The following SPSB4 variants were observed in gnomAD, a reference collection of about 807,000 sequenced individuals.
SPSB4 encodes the protein splA/ryanodine receptor domain and SOCS box containing 4, also known as SPRY domain-containing SOCS box protein 4.
In SPSB4, 21 loss-of-function variants were observed where a neutral mutation model predicts 20.9. The observed-to-expected ratio is 1.01, with a 90% CI of 0.71 to 1.45. The LOEUF (loss-of-function observed/expected upper bound fraction) is 1.45. SPSB4 is among the 40% of genes most tolerant of loss of function. The pLI is 0.00. For missense variants in SPSB4, 399 were observed against 399.2 expected (o/e 1.00, Z 0.00); for synonymous variants, 207 against 183.8 (o/e 1.13, Z -1.02).
At chr3:141,118,667 A>G (rs748082582) in intron 2 of SPSB4, among the ~76,000 whole-genome samples, 12 of 152,148 alleles carry the variant, frequency 7.9e-5, no homozygotes, top group African/African-American at 1.2e-4. Flanking sequence ...TAATTTTTGT[A>G]TAAAGTGTAA....
At chr3:141,062,699 A>T (rs778403010) in intron 1 of SPSB4, among the ~76,000 whole-genome samples, 2 of 152,132 alleles carry the variant, frequency 1.3e-5, no homozygotes, top group Non-Finnish European at 2.9e-5. Flanking sequence ...GGATTTTGTG[A>T]TCTATAATTT....
chr3:141,086,573 A>G (rs997446621), intron 2 of SPSB4, among the ~76,000 whole-genome samples: 3 of 152,224 alleles, frequency 2.0e-5, no homozygotes, highest in African/African-American at 7.2e-5. Flanking sequence ...GCCATGGTAC[A>G]GTATTTGGAT....
chr3:141,104,576 C>T (rs531857614), intron 2 of SPSB4, among the ~76,000 whole-genome samples: 35 of 152,220 alleles, frequency 2.3e-4, no homozygotes, highest in African/African-American at 7.9e-4. Flanking sequence ...GATGGCCAGG[C>T]GGGAATGAAA....
intron 2 of SPSB4, among the ~76,000 whole-genome samples, chr3:141,117,403 A>G (rs1405130020): frequency 6.6e-6 from 1 of 152,092 alleles, no homozygotes; most frequent in Non-Finnish European, 1.5e-5. Context: ...TGACTCCATT[A>G]TTACTCCTTA....
chr3:141,136,595 G>A (rs911469245), intron 2 of SPSB4, among the ~76,000 whole-genome samples: 2 of 152,184 alleles, frequency 1.3e-5, no homozygotes, highest in African/African-American at 4.8e-5. Context: ...ATTAAATAGG[G>A]AATGCTTTCC....
At chr3:141,143,639 C>G (rs1035211518) in intron 2 of SPSB4, among the ~76,000 whole-genome samples, 2 of 152,220 alleles carry the variant, frequency 1.3e-5, no homozygotes, top group African/African-American at 4.8e-5. Flanking sequence ...TTGGGACCCA[C>G]TTGCTAGCCA....
intron 2 of SPSB4, among the ~76,000 whole-genome samples, chr3:141,071,023 A>C (rs1401012865): frequency 6.6e-6 from 1 of 152,068 alleles, no homozygotes; most frequent in Admixed American, 6.5e-5. Context: ...GGCTGGCTTT[A>C]CCTCCAGCCC....
chr3:141,121,673 C>G (rs1938968958), intron 2 of SPSB4, among the ~76,000 whole-genome samples: 1 of 152,192 alleles, frequency 6.6e-6, no homozygotes, highest in South Asian at 2.1e-4. Flanking sequence ...GATCTTCAAT[C>G]ACTGATGTCC....
At chr3:141,072,585 AG>A (rs1938027335) in intron 2 of SPSB4, among the ~76,000 whole-genome samples, 3 of 152,134 alleles carry the variant, frequency 2.0e-5, no homozygotes, top group Admixed American at 6.5e-5. Flanking sequence ...CATGAGTAAA[AG>A]CTTCCTGAGG....
chr3:141,115,110 C>T (rs1394890061), intron 2 of SPSB4: 1 of 152,276 alleles, frequency 6.6e-6, no homozygotes, highest in African/African-American at 2.4e-5. Context: ...AATCTGGACA[C>T]TCAGACACTA....
chr3:141,132,996 G>A (rs1939161797), intron 2 of SPSB4, among the ~76,000 whole-genome samples: 1 of 151,906 alleles, frequency 6.6e-6, no homozygotes, highest in African/African-American at 2.4e-5. Flanking sequence ...CTTAAATTAT[G>A]GCCATTCTTG....
intron 2 of SPSB4, among the ~76,000 whole-genome samples, chr3:141,136,886 G>A (rs1462874136): frequency 6.6e-6 from 1 of 152,142 alleles, no homozygotes; most frequent in Non-Finnish European, 1.5e-5. Flanking sequence ...GAAAGTCATT[G>A]GTAGCTTGAT....
intron 2 of SPSB4, among the ~76,000 whole-genome samples, chr3:141,077,793 CTGT>C (rs1938145708): frequency 6.6e-6 from 1 of 152,164 alleles, no homozygotes; most frequent in Admixed American, 6.5e-5. Flanking sequence ...TGGGAGTGGG[CTGT>C]TTAGTGAGGG....
At position 141,066,092 on chromosome 3, in the gene SPSB4, C is replaced by G. The variant is rs991985616; in HGVS notation, c.-13C>G. The G allele has an allele frequency of 6.6e-7, 1 of 1,509,612 alleles. No homozygotes were observed. Among genetic ancestry groups the G allele is most frequent in the Admixed American group, 2.2e-5 (1 of 44,796 alleles). 93.5% of individuals were successfully genotyped at this position (1,509,612 alleles called of 1,614,324 possible). A position where few individuals can be genotyped will look rare whatever the true frequency, so the allele number is the denominator to read the frequency against. On this transcript the variant is annotated 5_prime_UTR_variant, in exon 2 of 3. Coordinates refer to ENST00000310546, the MANE Select transcript of SPSB4 (RefSeq NM_080862.3). ...AGCGGTGGCCTGCAGCGGCCTCCTC[C>G]CCGCAGTGAAGCATGGGCCAGAAGC... is the stretch of plus-strand genomic sequence containing the variant.
In SPSB4 at chr3:141,054,115, G is replaced by T. The variant is rs530062848; in HGVS notation, c.-154+2123G>T. On this transcript the variant is annotated intron_variant, in intron 1 of 2. Coordinates refer to ENST00000310546, the MANE Select transcript of SPSB4 (RefSeq NM_080862.3). Reference sequence around the variant, plus strand: ...CCCAGAAAGTGGCCAAGCCACAGTGGCCAGTGCAGAATTCCTTGCCCTTTT... The same window carrying T: ...CCCAGAAAGTGGCCAAGCCACAGTGTCCAGTGCAGAATTCCTTGCCCTTTT... Among the ~76,000 whole-genome samples the T allele has an allele frequency of 2.0e-5, 3 of 152,338 alleles. No individual in the cohort carries two copies. The South Asian group carries it at 6.2e-4, about 32-fold the overall frequency.
intron 2 of SPSB4, among the ~76,000 whole-genome samples, chr3:141,108,357 G>A (rs1938734006): frequency 6.6e-6 from 1 of 152,214 alleles, no homozygotes; most frequent in African/African-American, 2.4e-5. Flanking sequence ...CGCATGTACT[G>A]AGATCACTTC....
intron 2 of SPSB4, among the ~76,000 whole-genome samples, chr3:141,096,198 C>T (rs745891048): frequency 9.9e-5 from 15 of 152,136 alleles, no homozygotes; most frequent in African/African-American, 2.9e-4. Flanking sequence ...ACCTAGAATG[C>T]GACAACCACC....
At position 141,119,923 on chromosome 3, in the gene SPSB4, G is replaced by T. The variant is rs531125645; in HGVS notation, c.695-27219G>T. 5.3e-5 allele frequency among the ~76,000 whole-genome samples: 8 copies of T among 151,992 alleles called. No individual in the cohort carries two copies. The South Asian group carries it at 1.5e-3, about 28-fold the overall frequency. ...TTGTGTCTCTATCTCCTTCAGTTCT[G>T]CTCTGATCTTAGTTATTTCTTGCCT... On this transcript the variant is annotated intron_variant, in intron 2 of 2. Coordinates refer to ENST00000310546, the MANE Select transcript of SPSB4 (RefSeq NM_080862.3).
chr3:141,088,527 G>A (rs1220445356), intron 2 of SPSB4, among the ~76,000 whole-genome samples: 1 of 152,206 alleles, frequency 6.6e-6, no homozygotes, highest in Non-Finnish European at 1.5e-5. Flanking sequence ...GCATCAGTCA[G>A]TTTTGCTTTC....
Sources: allele counts gnomAD v4.1 joint callset (sites outside exome capture counted in the v4.1 genomes callset), GRCh38; gene constraint gnomAD v4.1.1; transcripts MANE v1.5; gene names NCBI Gene and HGNC (gene_info 2026-07-23, HGNC 2026-07-21).